Variants in CNTN5 observed in about 807,000 individuals in gnomAD.
CNTN5 encodes the protein contactin 5, also known as contactin-5.
A neutral mutation model predicts 129.1 loss-of-function variants in CNTN5; 77 were observed. The ratio of observed to expected loss-of-function variants is 0.60; its 90% confidence interval spans 0.50 to 0.72. CNTN5 has a LOEUF of 0.72. CNTN5 is among the 30% of genes least tolerant of loss of function. The probability of loss-of-function intolerance (pLI) is 0.00; values close to 1 mark genes in which losing one functional copy is unlikely to be tolerated. For missense variants in CNTN5, 1,478 were observed against 1,328.8 expected (o/e 1.11, Z -1.75); for synonymous variants, 509 against 465.6 (o/e 1.09, Z -1.20).
intron 3 of CNTN5, among the ~76,000 whole-genome samples, chr11:99,678,505 G>T (rs946548594): frequency 3.3e-5 from 5 of 152,060 alleles, no homozygotes. Flanking sequence ...ATGTAATCAA[G>T]AAAGTCAGCA....
chr11:100,110,395 AAGT>A (rs1945612885), intron 13 of CNTN5, among the ~76,000 whole-genome samples: 2 of 152,056 alleles, frequency 1.3e-5, no homozygotes, highest in African/African-American at 4.8e-5. Context: ...AATTCTATCC[AAGT>A]TGATATTTTC....
At chr11:100,327,617 G>T (rs1305383336) in intron 21 of CNTN5, among the ~76,000 whole-genome samples, 1 of 152,262 alleles carries the variant, frequency 6.6e-6, no homozygotes, top group Non-Finnish European at 1.5e-5. Flanking sequence ...AACAGATCGT[G>T]CCCTAAGTAG....
At chr11:99,203,893 C>G (rs930067062) in intron 1 of CNTN5, among the ~76,000 whole-genome samples, 1 of 152,100 alleles carries the variant, frequency 6.6e-6, no homozygotes, top group Admixed American at 6.5e-5. Context: ...CCACCAAGCC[C>G]GGCCTCATAT....
At chr11:99,419,252 C>A (rs1942788148) in intron 2 of CNTN5, among the ~76,000 whole-genome samples, 1 of 152,168 alleles carries the variant, frequency 6.6e-6, no homozygotes, top group South Asian at 2.1e-4. Flanking sequence ...ATGTGAATTG[C>A]ACCCTCTGGA....
In CNTN5 at chr11:99,737,825, T is replaced by C. The variant is rs546850429; in HGVS notation, c.56-81719T>C. ...TTCAGGATAGAACGAGTACAGTGTT[T>C]TACCAATCAGAAGATGCATCTTTTT... On this transcript the variant is annotated intron_variant, in intron 3 of 24. Transcript: ENST00000524871. 7.9e-5 allele frequency among the ~76,000 whole-genome samples: 12 copies of C among 152,270 alleles called. 1 individual carries two copies. Among genetic ancestry groups the C allele is most frequent in the African/African-American group, 2.9e-4 (12 of 41,570 alleles).
Position 100,350,848 on chromosome 11 carries a change from A to C in CNTN5, c.3177A>C (p.Gln1059His), listed in dbSNP as rs1352629058. The change falls in exon 24 of 25, where the codon CAA becomes CAC. Residue 1059 changes from glutamine to histidine, a missense_variant. Coordinates refer to ENST00000524871, the MANE Select transcript of CNTN5 (RefSeq NM_014361.4). ...SEGGDGTASS[Q>H]IRVPSYSGGK... ...GAGGAGATGGAACAGCTAGTTCTCA[A>C]ATTAGGGTACCATCATATTCAGGTA... is the stretch of plus-strand genomic sequence containing the variant. 2 of 1,590,758 alleles carry C rather than the reference A, an allele frequency of 1.3e-6. No individual in the cohort carries two copies. Among genetic ancestry groups the C allele is most frequent in the Non-Finnish European group, 1.7e-6 (2 of 1,166,754 alleles).
chr11:100,354,312 A>C (rs1417027891), intron 24 of CNTN5, among the ~76,000 whole-genome samples: 3 of 151,624 alleles, frequency 2.0e-5, no homozygotes, highest in African/African-American at 2.4e-5. Flanking sequence ...TCTAAAAGTC[A>C]CTTAGTTTGT....
chr11:99,281,414 T>C lies in CNTN5; in HGVS notation c.-209-43932T>C, dbSNP rs1591464595. 4.6e-5 allele frequency among the ~76,000 whole-genome samples: 7 copies of C among 152,006 alleles called. No homozygotes were observed. The Admixed American group carries it at 4.6e-4, about 10-fold the overall frequency. On this transcript the variant is annotated intron_variant, in intron 1 of 24. Transcript: ENST00000524871. ...AAAAAGGCAATTTCTGTAACACTGA[T>C]GTAAGTGCAAAATCAGCTAAGAGTG...
chr11:100,117,402 T>G (rs1821770898), intron 13 of CNTN5, among the ~76,000 whole-genome samples: 1 of 152,052 alleles, frequency 6.6e-6, no homozygotes, highest in Non-Finnish European at 1.5e-5. Context: ...GTCTTATTTA[T>G]GTTATGGAAC....
At chr11:99,995,988 C>A (rs1444383905) in intron 8 of CNTN5, among the ~76,000 whole-genome samples, 1 of 152,186 alleles carries the variant, frequency 6.6e-6, no homozygotes, top group Non-Finnish European at 1.5e-5. Context: ...TGGTCAGATA[C>A]TTTCTTCTGA....
At chr11:99,384,399 G>T (rs1217985625) in intron 2 of CNTN5, among the ~76,000 whole-genome samples, 1 of 152,082 alleles carries the variant, frequency 6.6e-6, no homozygotes, top group African/African-American at 2.4e-5. Context: ...TCTGGAATTT[G>T]CCAATTTACT....
chr11:99,215,088 G>A (rs927532128), intron 1 of CNTN5, among the ~76,000 whole-genome samples: 3 of 152,072 alleles, frequency 2.0e-5, no homozygotes, highest in Non-Finnish European at 4.4e-5. Context: ...TGGCTCCTTG[G>A]CACCCAGAAT....
At chr11:99,518,486 G>C (rs1283355634) in intron 2 of CNTN5, among the ~76,000 whole-genome samples, 1 of 151,982 alleles carries the variant, frequency 6.6e-6, no homozygotes, top group African/African-American at 2.4e-5. Context: ...GTGAAACTCT[G>C]GTGTCCTGAA....
chr11:99,057,995 A>C (rs1864703225), intron 1 of CNTN5, among the ~76,000 whole-genome samples: 1 of 152,040 alleles, frequency 6.6e-6, no homozygotes, highest in African/African-American at 2.4e-5. Context: ...AGGGTTAAAA[A>C]ACTATCTGAG....
intron 9 of CNTN5, among the ~76,000 whole-genome samples, chr11:100,040,843 G>C (rs982151569): frequency 6.6e-6 from 1 of 152,186 alleles, no homozygotes; most frequent in African/African-American, 2.4e-5. Context: ...GTTTTAGGGT[G>C]GGAGTGATCC....
At chr11:100,108,968 G>A (rs1945550517) in intron 13 of CNTN5, among the ~76,000 whole-genome samples, 1 of 152,018 alleles carries the variant, frequency 6.6e-6, no homozygotes, top group Admixed American at 6.6e-5. Context: ...AATCAGTGGG[G>A]AGAAAAACTT....
At chr11:100,010,603 C>T (rs78530436) in intron 9 of CNTN5, among the ~76,000 whole-genome samples, 11,477 of 150,302 alleles carry the variant, frequency 0.076, 557 homozygotes, top group African/African-American at 0.15. Context: ...CCTACAGTGC[C>T]CCCTCCTGGC....
intron 1 of CNTN5, among the ~76,000 whole-genome samples, chr11:99,182,595 T>C (rs1381695421): frequency 6.6e-6 from 1 of 152,200 alleles, no homozygotes; most frequent in Non-Finnish European, 1.5e-5. Flanking sequence ...TATTGCCAGA[T>C]GTCTAGAGTC....
intron 2 of CNTN5, among the ~76,000 whole-genome samples, chr11:99,536,860 A>AC (rs907538542): frequency 2.7e-5 from 4 of 150,008 alleles, no homozygotes; most frequent in Admixed American, 1.3e-4. Flanking sequence ...ACATTAAAAA[A>AC]AAAAAAAAGA....
Sources: allele counts gnomAD v4.1 joint callset (sites outside exome capture counted in the v4.1 genomes callset), GRCh38; gene constraint gnomAD v4.1.1; transcripts MANE v1.5; gene names NCBI Gene and HGNC (gene_info 2026-07-23, HGNC 2026-07-21).